CFAP61: variants seen among roughly 807,000 people sequenced by gnomAD.
CFAP61 encodes the protein cilia- and flagella-associated protein 61.
CFAP61 carries 107 observed loss-of-function variants against 135.6 expected under a neutral mutation model. That is an observed-to-expected ratio of 0.79 (90% CI 0.67 to 0.93). The LOEUF (loss-of-function observed/expected upper bound fraction) is 0.93, where lower values mean the gene tolerates loss of function less well. CFAP61 is among the 40% of genes least tolerant of loss of function. The pLI is 0.00. For synonymous variants in CFAP61, 575 were observed against 578.5 expected (o/e 0.99, Z 0.09); for missense variants, 1,507 against 1,556.2 (o/e 0.97, Z 0.53).
intron 18 of CFAP61, among the ~76,000 whole-genome samples, chr20:20,241,602 G>A (rs1037734578): frequency 2.0e-5 from 3 of 152,132 alleles, no homozygotes; most frequent in Non-Finnish European, 4.4e-5. Context: ...TAATTCAAAT[G>A]ATTCAAAACC....
intron 8 of CFAP61, among the ~76,000 whole-genome samples, chr20:20,125,237 G>A (rs2049977953): frequency 6.6e-6 from 1 of 151,182 alleles, no homozygotes; most frequent in Admixed American, 6.6e-5. Flanking sequence ...TCTGTTCTTG[G>A]TTATTTCCTT....
At chr20:20,139,316 G>A (rs1281141018) in intron 8 of CFAP61, among the ~76,000 whole-genome samples, 1 of 152,200 alleles carries the variant, frequency 6.6e-6, no homozygotes, top group African/African-American at 2.4e-5. Flanking sequence ...CCTGTGCTGG[G>A]AAGATGCCTG....
At chr20:20,157,513 G>A (rs1174691664) in intron 9 of CFAP61, among the ~76,000 whole-genome samples, 1 of 152,226 alleles carries the variant, frequency 6.6e-6, no homozygotes, top group African/African-American at 2.4e-5. Context: ...ACATGGCAAT[G>A]TAGTGGAGAA....
At chr20:20,307,155 G>T (rs927604815) in intron 25 of CFAP61, among the ~76,000 whole-genome samples, 1 of 152,114 alleles carries the variant, frequency 6.6e-6, no homozygotes, top group African/African-American at 2.4e-5. Flanking sequence ...AGAGAATTTA[G>T]TTTGAAACTC....
chr20:20,063,623 T>G (rs984912758), intron 2 of CFAP61, among the ~76,000 whole-genome samples: 1 of 152,132 alleles, frequency 6.6e-6, no homozygotes, highest in African/African-American at 2.4e-5. Context: ...ACAAACACCA[T>G]ATGTAATGAT....
At chr20:20,054,034 T>A (rs1342366004) in intron 1 of CFAP61, among the ~76,000 whole-genome samples, 1 of 148,326 alleles carries the variant, frequency 6.7e-6, no homozygotes, top group Non-Finnish European at 1.5e-5. Flanking sequence ...TTTTTTTTTT[T>A]AGGAAAAATG....
rs2057393923 is a variant in CFAP61, at chr20:20,320,372, AT to A, written c.3423-21457del. 3.1e-4 allele frequency among the ~76,000 whole-genome samples: 4 copies of A among 13,094 alleles called. 1 individual carries two copies. The East Asian group carries it at 8.2e-3, about 27-fold the overall frequency. 8.6% of individuals were successfully genotyped at this position (13,094 alleles called of 152,430 possible). A position where few individuals can be genotyped will look rare whatever the true frequency, so the allele number is the denominator to read the frequency against. On this transcript the variant is annotated intron_variant, in intron 25 of 26. Transcript: ENST00000245957. ...AATATATATAATATATGTAATATAT[AT>A]TATATATATGTAATATATATAATAT...
At chr20:20,159,348 G>A (rs1334779419) in intron 9 of CFAP61, 22 bp from the exon 10 acceptor site, 1 of 1,612,594 alleles carries the variant, frequency 6.2e-7, no homozygotes, top group South Asian at 1.1e-5. Flanking sequence ...TAATTTTCAT[G>A]TTTTGCTGTC....
chr20:20,157,541 C>T (rs2053029499), intron 9 of CFAP61, among the ~76,000 whole-genome samples: 1 of 152,178 alleles, frequency 6.6e-6, no homozygotes, highest in Non-Finnish European at 1.5e-5. Flanking sequence ...TCTTTTCTCT[C>T]TGAAACAATT....
intron 8 of CFAP61, among the ~76,000 whole-genome samples, chr20:20,117,293 G>A (rs191402288): frequency 6.6e-6 from 1 of 152,220 alleles, no homozygotes; most frequent in African/African-American, 2.4e-5. Flanking sequence ...GCAGTGAGTT[G>A]AGATCGTGCC....
intron 17 of CFAP61, among the ~76,000 whole-genome samples, chr20:20,216,581 CT>C: frequency 1.3e-5 from 2 of 152,264 alleles, no homozygotes; most frequent in East Asian, 3.9e-4. Context: ...ATGGGGAAGC[CT>C]TTTGTGCTGA....
At chr20:20,074,180 A>G in intron 3 of CFAP61, 122 bp from the exon 4 acceptor site, 4 of 775,458 alleles carry the variant, frequency 5.2e-6, no homozygotes, top group South Asian at 1.5e-5. Flanking sequence ...GACATAAAAT[A>G]TCAACCCTAA....
At chr20:20,155,854 A>C (rs531366130) in intron 9 of CFAP61, among the ~76,000 whole-genome samples, 1 of 152,330 alleles carries the variant, frequency 6.6e-6, no homozygotes, top group Non-Finnish European at 1.5e-5. Context: ...TATCGAAAAC[A>C]GCATGGAGAT....
chr20:20,255,876 G>C (rs760893680), intron 20 of CFAP61, among the ~76,000 whole-genome samples: 8 of 152,208 alleles, frequency 5.3e-5, no homozygotes, highest in Admixed American at 1.3e-4. Flanking sequence ...GGCCAACAAA[G>C]TGCAAAGGTT....
chr20:20,356,456 G>A (rs866903644), intron 26 of CFAP61, among the ~76,000 whole-genome samples: 494 of 134,482 alleles, frequency 3.7e-3, no homozygotes, highest in Non-Finnish European at 4.1e-3. Context: ...ACAGTGTGAG[G>A]GGAGGTGGTC....
chr20:20,156,292 A>G (rs1426492674), intron 9 of CFAP61, among the ~76,000 whole-genome samples: 1 of 152,192 alleles, frequency 6.6e-6, no homozygotes, highest in Non-Finnish European at 1.5e-5. Context: ...ATTTTAACAA[A>G]CTAAAAAAAA....
At chr20:20,331,764 T>C (rs572258233) in intron 25 of CFAP61, among the ~76,000 whole-genome samples, 1 of 152,034 alleles carries the variant, frequency 6.6e-6, no homozygotes, top group East Asian at 1.9e-4. Context: ...CTTTTTTTTT[T>C]CTTTTCCTAC....
chr20:20,297,479 G>A (rs764745529), intron 24 of CFAP61, among the ~76,000 whole-genome samples: 2 of 152,142 alleles, frequency 1.3e-5, no homozygotes, highest in African/African-American at 4.8e-5. Context: ...AGCCATCCAC[G>A]GCTGAAATAG....
chr20:20,191,341 G>A lies in CFAP61; in HGVS notation c.1513-1G>A. The A allele has an allele frequency of 6.2e-7, 1 of 1,612,230 alleles. No homozygotes were observed. On this transcript the variant is annotated splice_acceptor_variant, in intron 14 of 26. Coordinates refer to ENST00000245957, the MANE Select transcript of CFAP61 (RefSeq NM_015585.4). LOFTEE classifies it high-confidence loss of function. ...CTTAAAATATATGCTTATCTTTTCA[G>A]GATGGAACACTGCTGCAGGCATTTG... is the stretch of plus-strand genomic sequence containing the variant.
Sources: allele counts gnomAD v4.1 joint callset (sites outside exome capture counted in the v4.1 genomes callset), GRCh38; gene constraint gnomAD v4.1.1; transcripts MANE v1.5; gene names NCBI Gene and HGNC (gene_info 2026-07-23, HGNC 2026-07-21).